ALCAM: variants seen among roughly 807,000 people sequenced by gnomAD.
ALCAM encodes CD166 antigen.
A neutral mutation model predicts 70.9 loss-of-function variants in ALCAM; 30 were observed. The ratio of observed to expected loss-of-function variants is 0.42; its 90% CI spans 0.32 to 0.57. The LOEUF (loss-of-function observed/expected upper bound fraction) is 0.57, where lower values mean the gene tolerates loss of function less well. Ranked by LOEUF, ALCAM falls within the 20% of genes least tolerant of loss-of-function variation. The probability of loss-of-function intolerance (pLI) is 0.11; values close to 1 mark genes in which losing one functional copy is unlikely to be tolerated. For synonymous variants in ALCAM, 249 were observed against 242.5 expected (o/e 1.03, Z -0.25); for missense variants, 591 against 695.1 (o/e 0.85, Z 1.68).
chr3:105,383,264 A>G (rs955509001), intron 1 of ALCAM, among the ~76,000 whole-genome samples: 5 of 151,558 alleles, frequency 3.3e-5, no homozygotes, highest in African/African-American at 7.3e-5. Flanking sequence ...CCCTTAGTGA[A>G]TTTTTATATT....
At position 105,550,262 on chromosome 3, in the gene ALCAM, G is replaced by A. The variant is rs1276361994; in HGVS notation, c.1507+3G>A. The A allele has an allele frequency of 2.5e-6, 4 of 1,585,164 alleles. No homozygotes were observed. Among genetic ancestry groups the A allele is most frequent in the African/African-American group, 2.7e-5 (2 of 73,054 alleles). Reference sequence around the variant, plus strand: ...AAACTCCTTGAATGTCTCTGCTAGTGAGTATTTTATTTCTGGCATTACAAA... The same window carrying A: ...AAACTCCTTGAATGTCTCTGCTAGTAAGTATTTTATTTCTGGCATTACAAA... On this transcript the variant is annotated splice_donor_region_variant and intron_variant, in intron 12 of 15. Coordinates refer to ENST00000306107, the MANE Select transcript of ALCAM (RefSeq NM_001627.4).
intron 1 of ALCAM, among the ~76,000 whole-genome samples, chr3:105,487,611 C>A (rs1472949975): frequency 6.6e-6 from 1 of 152,152 alleles, no homozygotes; most frequent in African/African-American, 2.4e-5. Flanking sequence ...GAAGAGTTAT[C>A]AAGTTCTTTT....
intron 1 of ALCAM, among the ~76,000 whole-genome samples, chr3:105,502,572 G>A (rs1017915): frequency 0.29 from 44,731 of 152,146 alleles, 7,384 homozygotes; most frequent in African/African-American, 0.45. Context: ...CAGCAGAGCA[G>A]GGCACAGTTT....
At chr3:105,458,082 GAA>G (rs5851458) in intron 1 of ALCAM, among the ~76,000 whole-genome samples, 4 of 146,960 alleles carry the variant, frequency 2.7e-5, no homozygotes, top group Non-Finnish European at 6.0e-5. Flanking sequence ...CACTTCAGGG[GAA>G]AAAAAAAAAA....
At position 105,484,818 on chromosome 3, in the gene ALCAM, G is replaced by A. The variant is rs13071531; in HGVS notation, c.74-35249G>A. On this transcript the variant is annotated intron_variant, in intron 1 of 15. Coordinates refer to ENST00000306107, the MANE Select transcript of ALCAM (RefSeq NM_001627.4). Reference sequence around the variant, plus strand: ...CAGCTGTCATGGACATGTGCCACCAGAAGAAAAGCTCTTCTCAGCCAGAAA... The same window carrying A: ...CAGCTGTCATGGACATGTGCCACCAAAAGAAAAGCTCTTCTCAGCCAGAAA... 8.0e-3 allele frequency among the ~76,000 whole-genome samples: 1,224 copies of A among 152,156 alleles called. 7 individuals are homozygous for A. Among genetic ancestry groups the A allele is most frequent in the Non-Finnish European group, 0.014 (980 of 67,944 alleles).
intron 3 of ALCAM, among the ~76,000 whole-genome samples, chr3:105,527,323 G>T (rs73192763): frequency 0.017 from 2,578 of 152,286 alleles, 25 homozygotes; most frequent in Middle Eastern, 0.037. Context: ...AGATGGAGCA[G>T]TCACTGAGCG....
Position 105,524,512 on chromosome 3 carries a change from A to C in ALCAM, c.394+4A>C. 6.2e-7 allele frequency: 1 copy of C among 1,614,032 alleles called. No homozygotes were observed. The highest frequency in any genetic ancestry group is 8.5e-7 in the Non-Finnish European group (1 of 1,179,898). ...CCTACAATAGTCAAGGTGTTCAGTAAGTAGTCTGCAGCAGTGTCACTGCTA... is the reference window on the plus strand; with the variant it reads ...CCTACAATAGTCAAGGTGTTCAGTACGTAGTCTGCAGCAGTGTCACTGCTA... On this transcript the variant is annotated splice_donor_region_variant and intron_variant, in intron 3 of 15. Coordinates refer to ENST00000306107, the MANE Select transcript of ALCAM (RefSeq NM_001627.4).
chr3:105,402,592 G>A (rs973800929), intron 1 of ALCAM, among the ~76,000 whole-genome samples: 25 of 152,080 alleles, frequency 1.6e-4, no homozygotes, highest in Admixed American at 7.2e-4. Context: ...GCATGGGAGC[G>A]GGGTGTGGCC....
intron 1 of ALCAM, among the ~76,000 whole-genome samples, chr3:105,453,451 T>C (rs1298875131): frequency 6.6e-6 from 1 of 152,226 alleles, no homozygotes; most frequent in Non-Finnish European, 1.5e-5. Flanking sequence ...GTGTTACCAG[T>C]ACCATCCTGT....
Position 105,547,408 on chromosome 3 carries a change from T to C in ALCAM, c.1259T>C (p.Met420Thr). 6.2e-7 allele frequency: 1 copy of C among 1,605,052 alleles called. No homozygotes were observed. Among genetic ancestry groups the C allele is most frequent in the Non-Finnish European group, 8.5e-7 (1 of 1,176,192 alleles). Reference protein sequence around the residue: ...LIVEGKPQIKMTKKTDPSGLS... With the variant: ...LIVEGKPQIKTTKKTDPSGLS... ...ATTTCAGGCAAACCTCAAATAAAAA[T>C]GACAAAGAAAACTGATCCCAGTGGA... is the stretch of plus-strand genomic sequence containing the variant. Residue 420 changes from methionine to threonine, a missense_variant, in exon 11 of 16, where the codon ATG (methionine) becomes ACG (threonine). Physicochemically the swap from Met to Thr is moderately conservative, Grantham distance 81. Coordinates refer to ENST00000306107, the MANE Select transcript of ALCAM (RefSeq NM_001627.4).
At chr3:105,521,900 A>G (rs765394789) in intron 2 of ALCAM, among the ~76,000 whole-genome samples, 8 of 152,204 alleles carry the variant, frequency 5.3e-5, no homozygotes, top group Non-Finnish European at 1.0e-4. Flanking sequence ...CTGGTTTCCT[A>G]TAAATGTGGA....
chr3:105,446,052 A>C (rs572848246), intron 1 of ALCAM, among the ~76,000 whole-genome samples: 13 of 152,208 alleles, frequency 8.5e-5, no homozygotes, highest in Non-Finnish European at 1.3e-4. Context: ...AACTTACAGA[A>C]TGGGAGAAAA....
chr3:105,453,589 G>T (rs373006966), intron 1 of ALCAM, among the ~76,000 whole-genome samples: 1 of 152,250 alleles, frequency 6.6e-6, no homozygotes, highest in South Asian at 2.1e-4. Flanking sequence ...ATTTAAAATA[G>T]TTTTTTCTAA....
At chr3:105,562,509 T>C (rs943096804) in intron 14 of ALCAM, among the ~76,000 whole-genome samples, 14 of 152,202 alleles carry the variant, frequency 9.2e-5, no homozygotes, top group African/African-American at 3.4e-4. Context: ...TGTATCATAA[T>C]TTTTATATAT....
At chr3:105,484,044 G>A (rs1327530903) in intron 1 of ALCAM, among the ~76,000 whole-genome samples, 2 of 151,944 alleles carry the variant, frequency 1.3e-5, no homozygotes, top group Non-Finnish European at 2.9e-5. Flanking sequence ...TCAGAAAGCT[G>A]TCGCCTAACA....
intron 8 of ALCAM, 121 bp from the exon 9 acceptor site, chr3:105,545,102 A>T (rs1191429349): frequency 2.8e-6 from 2 of 706,054 alleles, no homozygotes; most frequent in African/African-American, 3.5e-5. Context: ...CATATAAATC[A>T]GTTCTGAATG....
chr3:105,382,955 T>C (rs1442015996), intron 1 of ALCAM, among the ~76,000 whole-genome samples: 1 of 151,870 alleles, frequency 6.6e-6, no homozygotes, highest in Non-Finnish European at 1.5e-5. Context: ...AAGTTTTTCT[T>C]ACATTTCTCA....
chr3:105,428,510 A>G (rs1482442926), intron 1 of ALCAM, among the ~76,000 whole-genome samples: 1 of 151,864 alleles, frequency 6.6e-6, no homozygotes, highest in East Asian at 1.9e-4. Flanking sequence ...AAATGAGTAC[A>G]ATACTATTAT....
chr3:105,379,444 T>C (rs939933670), intron 1 of ALCAM, among the ~76,000 whole-genome samples: 3 of 151,508 alleles, frequency 2.0e-5, no homozygotes, highest in African/African-American at 7.3e-5. Flanking sequence ...AGAACATAAT[T>C]GAAAATTATA....
Sources: gnomAD v4.1 joint callset for allele counts (sites outside exome capture counted in the v4.1 genomes callset) on GRCh38, gnomAD v4.1.1 for gene constraint, MANE v1.5 for transcripts, NCBI Gene and HGNC (gene_info 2026-07-23, HGNC 2026-07-21) for gene names.